The following PRKN variants were observed in gnomAD, a reference collection of about 807,000 sequenced individuals.
The protein encoded by PRKN is E3 ubiquitin-protein ligase parkin.
PRKN carries 56 observed loss-of-function variants against 59.5 expected under a neutral mutation model. That is an observed-to-expected ratio of 0.94 (90% CI 0.76 to 1.18). The LOEUF is 1.18. PRKN is among the 50% of genes most tolerant of loss of function. The probability of loss-of-function intolerance (pLI) is 0.00; values close to 1 mark genes in which losing one functional copy is unlikely to be tolerated. For synonymous variants in PRKN, 250 were observed against 222.1 expected, an observed-to-expected ratio of 1.13 and a Z score of -1.12; for missense variants, 657 against 596.4, an observed-to-expected ratio of 1.10 and a Z score of -1.06.
rs2115473300 is a variant in PRKN at position 161,566,971 on chromosome 6, C to G, written c.933+2384G>C. On this transcript the variant is annotated intron_variant, in intron 8 of 11. Transcript: ENST00000366898. This position sits in a 1 kb window ranked among gnomAD's most constrained non-coding sequence, Gnocchi z 4.1. ...TGTCACCTGCTCAGTGAAACTTTCCCTGACCACCTTATATAAAATTTCACC... is the reference window on the plus strand; with the variant it reads ...TGTCACCTGCTCAGTGAAACTTTCCGTGACCACCTTATATAAAATTTCACC... Among the ~76,000 whole-genome samples the G allele has an allele frequency of 6.6e-6, 1 of 151,968 alleles. No individual in the cohort carries two copies. The highest frequency in any genetic ancestry group is 6.6e-5 in the Admixed American group (1 of 15,266).
At chr6:162,425,291 C>T (rs1789177140) in intron 2 of PRKN, among the ~76,000 whole-genome samples, 1 of 152,140 alleles carries the variant, frequency 6.6e-6, no homozygotes, top group Non-Finnish European at 1.5e-5. Context: ...AAGAGACACA[C>T]TGCCAGCCTG....
chr6:161,584,012 T>A lies in PRKN; in HGVS notation c.872-14596A>T, dbSNP rs912444980. 2.0e-5 allele frequency among the ~76,000 whole-genome samples: 3 copies of A among 152,188 alleles called. No individual in the cohort carries two copies. The highest frequency in any genetic ancestry group is 2.0e-4 in the Admixed American group (3 of 15,270). The stretch of plus-strand genomic sequence containing the variant: ...GCCAAAACACTCTTCAGAATTTGTC[T>A]ACAAACTTAACACCACCAATCACAG... On this transcript the variant is annotated intron_variant, in intron 7 of 11. Transcript: ENST00000366898. The surrounding 1 kb of genome is among the most constrained non-coding windows in gnomAD (Gnocchi z 4.8).
At chr6:161,679,106 C>T (rs113379942) in intron 7 of PRKN, among the ~76,000 whole-genome samples, 71 of 152,220 alleles carry the variant, frequency 4.7e-4, no homozygotes, top group Non-Finnish European at 7.1e-4. Flanking sequence ...GATGCCACAG[C>T]GGCACATCAT....
intron 9 of PRKN, among the ~76,000 whole-genome samples, chr6:161,450,847 G>GCT (rs1189315065): frequency 6.6e-6 from 1 of 152,154 alleles, no homozygotes; most frequent in South Asian, 2.1e-4. Flanking sequence ...GAGCCACCAT[G>GCT]CCCGGCTTGT....
At chr6:162,668,232 G>T (rs564877429) in intron 1 of PRKN, among the ~76,000 whole-genome samples, 7 of 152,152 alleles carry the variant, frequency 4.6e-5, no homozygotes, top group Non-Finnish European at 1.0e-4. Context: ...GCTCATAATT[G>T]TAAGATTAAA....
intron 7 of PRKN, among the ~76,000 whole-genome samples, chr6:161,633,272 T>C (rs1783383969): frequency 6.6e-6 from 1 of 152,186 alleles, no homozygotes; most frequent in South Asian, 2.1e-4. Context: ...GCTGAATACA[T>C]TGCAAGTCTA....
chr6:161,505,565 A>G (rs145369240), intron 9 of PRKN, among the ~76,000 whole-genome samples: 108,705 of 151,922 alleles, frequency 0.72, 39,221 homozygotes, highest in Middle Eastern at 0.81. Flanking sequence ...TTTTGTTGCC[A>G]TTGCTATTGG....
intron 2 of PRKN, among the ~76,000 whole-genome samples, chr6:162,272,999 G>GA (rs548215878): frequency 0.021 from 1,129 of 54,100 alleles, 15 homozygotes; most frequent in African/African-American, 0.029. Flanking sequence ...GCCTGTGTCT[G>GA]AAAAAAAAAA....
At chr6:162,568,771 T>C (rs890934258) in intron 1 of PRKN, 62 of 742,426 alleles carry the variant, frequency 8.4e-5, no homozygotes, top group Non-Finnish European at 1.5e-5. Context: ...CCGGACACTC[T>C]GGTCCAGGAG....
intron 1 of PRKN, among the ~76,000 whole-genome samples, chr6:162,612,065 C>T (rs1374594289): frequency 7.3e-5 from 11 of 150,606 alleles, no homozygotes; most frequent in East Asian, 5.9e-4. Flanking sequence ...TGGTGGCGGG[C>T]GCCTGTAGTC....
intron 2 of PRKN, among the ~76,000 whole-genome samples, chr6:162,348,584 C>G (rs1214738569): frequency 6.6e-6 from 1 of 152,024 alleles, no homozygotes; most frequent in Non-Finnish European, 1.5e-5. Flanking sequence ...TTATATAAAA[C>G]AGGGATGGAC....
intron 7 of PRKN, among the ~76,000 whole-genome samples, chr6:161,744,664 C>T (rs1191035109): frequency 2.6e-5 from 4 of 152,202 alleles, no homozygotes; most frequent in African/African-American, 7.2e-5. Context: ...AGCATTGACT[C>T]GTGGTCTATT....
intron 5 of PRKN, among the ~76,000 whole-genome samples, chr6:161,989,271 T>C (rs1781553716): frequency 9.2e-6 from 1 of 109,000 alleles, no homozygotes; most frequent in Non-Finnish European, 2.1e-5. Context: ...CCTGGAAATA[T>C]ATATATACAC....
intron 3 of PRKN, among the ~76,000 whole-genome samples, chr6:162,237,900 A>G (rs1443794353): frequency 2.6e-5 from 4 of 152,152 alleles, no homozygotes; most frequent in African/African-American, 7.2e-5. Context: ...GGACCAGAGG[A>G]TCTCCTTTGT....
chr6:162,192,097 G>A (rs1229320152), intron 4 of PRKN, among the ~76,000 whole-genome samples: 3 of 152,038 alleles, frequency 2.0e-5, no homozygotes, highest in Non-Finnish European at 4.4e-5. Flanking sequence ...GGTACTTTAG[G>A]TTGAGTTTTC....
intron 4 of PRKN, among the ~76,000 whole-genome samples, chr6:162,095,572 T>G (rs1779690969): frequency 6.6e-6 from 1 of 152,218 alleles, no homozygotes; most frequent in African/African-American, 2.4e-5. Context: ...GTAATGAATT[T>G]TATATTTTTA....
intron 1 of PRKN, among the ~76,000 whole-genome samples, chr6:162,714,067 T>C (rs1334603406): frequency 6.6e-6 from 1 of 152,220 alleles, no homozygotes; most frequent in Non-Finnish European, 1.5e-5. Flanking sequence ...CGCCCTGCTG[T>C]GAGCAATGAG....
chr6:162,159,579 A>G (rs1338976546), intron 4 of PRKN, among the ~76,000 whole-genome samples: 2 of 152,200 alleles, frequency 1.3e-5, no homozygotes, highest in African/African-American at 4.8e-5. Context: ...CAAAAGGCAG[A>G]TTTCTTTGTA....
At chr6:162,351,645 C>G (rs1422772446) in intron 2 of PRKN, among the ~76,000 whole-genome samples, 1 of 152,112 alleles carries the variant, frequency 6.6e-6, no homozygotes. Flanking sequence ...CTCGTCAAAA[C>G]CTATTTAAAC....
Sources: gnomAD v4.1 joint callset for allele counts (sites outside exome capture counted in the v4.1 genomes callset) on GRCh38, gnomAD v4.1.1 for gene constraint, Gnocchi (gnomAD v3.1) non-coding constraint, MANE v1.5 for transcripts, NCBI Gene and HGNC (gene_info 2026-07-23, HGNC 2026-07-21) for gene names.